The following CACNA2D3 variants were observed in gnomAD, a reference collection of about 807,000 sequenced individuals.
The protein encoded by CACNA2D3 is calcium voltage-gated channel auxiliary subunit alpha2delta 3.
In CACNA2D3, 60 loss-of-function variants were observed where a neutral mutation model predicts 160.6. The ratio of observed to expected loss-of-function variants is 0.37; its 90% CI spans 0.30 to 0.46. The LOEUF (loss-of-function observed/expected upper bound fraction) is 0.46, where lower values mean the gene tolerates loss of function less well. CACNA2D3 is among the 20% of genes least tolerant of loss of function. The pLI is 1.00. For synonymous variants in CACNA2D3, 558 were observed against 492.9 expected, an observed-to-expected ratio of 1.13 and a Z score of -1.75; for missense variants, 1,205 against 1,365.0, an observed-to-expected ratio of 0.88 and a Z score of 1.85.
chr3:54,132,828 A>G (rs1699739340), intron 2 of CACNA2D3, among the ~76,000 whole-genome samples: 1 of 152,156 alleles, frequency 6.6e-6, no homozygotes, highest in Admixed American at 6.5e-5. Context: ...GACTGGTCAT[A>G]TGACCCTGAC....
chr3:54,218,516 TTCTG>T (rs1701504184), intron 2 of CACNA2D3, among the ~76,000 whole-genome samples: 1 of 152,260 alleles, frequency 6.6e-6, no homozygotes, highest in African/African-American at 2.4e-5. Flanking sequence ...GTTTTGTAAC[TTCTG>T]TCTTACAGTT....
At chr3:54,128,205 A>G (rs888360456) in intron 2 of CACNA2D3, among the ~76,000 whole-genome samples, 1 of 152,220 alleles carries the variant, frequency 6.6e-6, no homozygotes, top group Non-Finnish European at 1.5e-5. Context: ...TTAGGCAAAC[A>G]CATGAATACC....
At chr3:54,816,911 C>G in intron 14 of CACNA2D3, 41 bp downstream of exon 14, 1 of 1,609,986 alleles carries the variant, frequency 6.2e-7, no homozygotes, top group Non-Finnish European at 8.5e-7. Context: ...CCCCAGAACT[C>G]ACGAGTCATG....
chr3:54,445,471 A>G (rs1394525594), intron 4 of CACNA2D3, among the ~76,000 whole-genome samples: 2 of 152,116 alleles, frequency 1.3e-5, no homozygotes, highest in Non-Finnish European at 2.9e-5. Flanking sequence ...GTAAGAGAGC[A>G]TTCATAGAAA....
At chr3:54,770,076 C>G (rs1702291697) in intron 13 of CACNA2D3, among the ~76,000 whole-genome samples, 1 of 152,142 alleles carries the variant, frequency 6.6e-6, no homozygotes, top group African/African-American at 2.4e-5. Context: ...CCCATTTGCC[C>G]CGAAAATACT....
At chr3:55,064,949 A>G (rs930037403) in intron 35 of CACNA2D3, among the ~76,000 whole-genome samples, 4 of 152,212 alleles carry the variant, frequency 2.6e-5, no homozygotes, top group Non-Finnish European at 4.4e-5. Context: ...TCGTTCCAAC[A>G]GAGAATCATC....
intron 11 of CACNA2D3, among the ~76,000 whole-genome samples, chr3:54,653,271 G>T (rs1435054086): frequency 1.3e-5 from 2 of 152,286 alleles, no homozygotes; most frequent in African/African-American, 2.4e-5. Flanking sequence ...TTCTGTGAAT[G>T]CTCCAAGATG....
intron 9 of CACNA2D3, among the ~76,000 whole-genome samples, chr3:54,612,643 T>A (rs1698766994): frequency 6.6e-6 from 1 of 152,172 alleles, no homozygotes; most frequent in African/African-American, 2.4e-5. Context: ...TAGAGATATA[T>A]TAATTATACT....
At chr3:54,283,282 G>T (rs963059140) in intron 2 of CACNA2D3, among the ~76,000 whole-genome samples, 4 of 152,108 alleles carry the variant, frequency 2.6e-5, no homozygotes, top group African/African-American at 9.7e-5. Context: ...ACTGCCCTGG[G>T]GTAAAATCCC....
chr3:54,122,784 A>C lies in CACNA2D3; in HGVS notation c.71A>C (p.Tyr24Ser). The change falls in exon 1 of 38, where the codon TAC (tyrosine) becomes TCC (serine). Residue 24 changes from tyrosine (Y) to serine (S), a missense_variant. Physicochemically the swap from Tyr to Ser is moderately radical, Grantham distance 144 (BLOSUM62 -2). This residue lies in a region of CACNA2D3 where 163 missense variants were observed against 161.3 expected (regional missense o/e 1.01). Coordinates refer to ENST00000474759, the MANE Select transcript of CACNA2D3 (RefSeq NM_018398.3). ...GCGCTTCTCGCTGCCGCGCTTCTCT[A>C]CGCCGCGCTGGGGGACGTGGTGCGC... ...ASALLAAALL[Y>S]AALGDVVRSE... 1 of 1,229,790 alleles carries C rather than the reference A, an allele frequency of 8.1e-7. No homozygotes were observed. The highest frequency in any genetic ancestry group is 1.0e-6 in the Non-Finnish European group (1 of 982,096). The allele number at this position is 1,229,790 out of a possible 1,614,324, so 76.2% of individuals were successfully genotyped here.
At position 55,036,986 on chromosome 3, in the gene CACNA2D3, G is replaced by A. The variant is rs547048050; in HGVS notation, c.2987+18669G>A. The stretch of plus-strand genomic sequence containing the variant: ...CCCAGTGGCCAGGAGGTGAGTCTGG[G>A]AATCTGCACTTTGGCCAGGTTTCCC... On this transcript the variant is annotated intron_variant, in intron 35 of 37. Transcript: ENST00000474759. Among the ~76,000 whole-genome samples, 122 of 151,778 alleles carry A rather than the reference G, an allele frequency of 8.0e-4. 1 individual carries two copies. Among genetic ancestry groups the A allele is most frequent in the South Asian group, 6.3e-3 (30 of 4,780 alleles).
intron 3 of CACNA2D3, among the ~76,000 whole-genome samples, chr3:54,343,222 A>G (rs1698394444): frequency 6.6e-6 from 1 of 152,074 alleles, no homozygotes; most frequent in African/African-American, 2.4e-5. Context: ...GTTAAATGCA[A>G]ATTCCTGGGC....
At chr3:54,932,445 G>A (rs1327852518) in intron 27 of CACNA2D3, among the ~76,000 whole-genome samples, 1 of 152,078 alleles carries the variant, frequency 6.6e-6, no homozygotes, top group Non-Finnish European at 1.5e-5. Context: ...AGAAAAAGAG[G>A]GGAAAATAAA....
intron 9 of CACNA2D3, among the ~76,000 whole-genome samples, chr3:54,624,321 G>C (rs1699048838): frequency 3.3e-5 from 5 of 152,148 alleles, no homozygotes; most frequent in Admixed American, 2.6e-4. Flanking sequence ...TGTGCAGGTT[G>C]TTTAAAAAAA....
chr3:54,546,144 C>T (rs887938133), intron 5 of CACNA2D3, among the ~76,000 whole-genome samples: 21 of 152,128 alleles, frequency 1.4e-4, no homozygotes, highest in African/African-American at 3.9e-4. Context: ...CAACAGGGGT[C>T]GGGGGAAGGG....
intron 35 of CACNA2D3, among the ~76,000 whole-genome samples, chr3:55,061,591 G>A (rs544661216): frequency 6.6e-6 from 1 of 152,328 alleles, no homozygotes; most frequent in South Asian, 2.1e-4. Flanking sequence ...GTTTCCCAAA[G>A]GTTAAGACCA....
intron 9 of CACNA2D3, among the ~76,000 whole-genome samples, chr3:54,603,637 A>G (rs1472748683): frequency 6.6e-6 from 1 of 152,248 alleles, no homozygotes; most frequent in Non-Finnish European, 1.5e-5. Flanking sequence ...AATGTGGAAT[A>G]CTTTCATACA....
intron 2 of CACNA2D3, among the ~76,000 whole-genome samples, chr3:54,155,093 G>T (rs756034550): frequency 1.3e-5 from 2 of 152,168 alleles, no homozygotes; most frequent in Non-Finnish European, 1.5e-5. Context: ...GCCTGCTGAT[G>T]GCCATTAGCT....
intron 2 of CACNA2D3, among the ~76,000 whole-genome samples, chr3:54,286,329 G>A (rs1045119329): frequency 6.6e-6 from 1 of 152,236 alleles, no homozygotes; most frequent in African/African-American, 2.4e-5. Context: ...AAGGGTATCA[G>A]CAATGGAAGA....
Sources: allele counts gnomAD v4.1 joint callset (sites outside exome capture counted in the v4.1 genomes callset), GRCh38; gene constraint gnomAD v4.1.1; regional missense constraint gnomAD v4.1.1; transcripts MANE v1.5; gene names NCBI Gene and HGNC (gene_info 2026-07-23, HGNC 2026-07-21).